Variants in DYRK1A observed in about 807,000 individuals in gnomAD.
DYRK1A encodes the protein dual specificity tyrosine phosphorylation regulated kinase 1A.
DYRK1A carries 9 observed loss-of-function variants against 79.7 expected under a neutral mutation model. The observed-to-expected ratio is 0.11, with a 90% confidence interval of 0.07 to 0.20. The LOEUF (loss-of-function observed/expected upper bound fraction) is 0.20. DYRK1A is among the 10% of genes least tolerant of loss of function. The pLI, the probability that DYRK1A is intolerant of heterozygous loss-of-function variation, is 1.00. For synonymous variants in DYRK1A, 349 were observed against 329.7 expected (o/e 1.06, Z -0.63); for missense variants, 622 against 956.0 (o/e 0.65, Z 4.61).
chr21:37,412,861 C>T (rs1041942038), intron 1 of DYRK1A, among the ~76,000 whole-genome samples: 1 of 152,124 alleles, frequency 6.6e-6, no homozygotes, highest in Admixed American at 6.5e-5. Flanking sequence ...AGCCACCCAA[C>T]AGCTTGTTAG....
rs1034609786 is a variant in DYRK1A at position 37,517,080 on chromosome 21, T to C, written c.*4549T>C. The stretch of plus-strand genomic sequence containing the variant: ...AACCTGTGAATCCTTCTTCAAAGCA[T>C]AGAGGAGGCAGAGACAAGTCTTAAA... On this transcript the variant is annotated 3_prime_UTR_variant, in exon 12 of 12. Coordinates refer to ENST00000647188, the MANE Select transcript of DYRK1A (RefSeq NM_001347721.2). The C allele has an allele frequency of 2.6e-5, 4 of 152,222 alleles. No individual in the cohort carries two copies. The highest frequency in any genetic ancestry group is 5.9e-5 in the Non-Finnish European group (4 of 68,040). 9.4% of individuals were successfully genotyped at this position (152,222 alleles called of 1,614,324 possible).
chr21:37,421,260 T>C (rs117653185), intron 2 of DYRK1A, among the ~76,000 whole-genome samples: 1,598 of 152,236 alleles, frequency 0.01, 13 homozygotes, highest in Middle Eastern at 0.044. Context: ...TTTGAATTGA[T>C]ACCTAACAGA....
chr21:37,371,695 TAGTG>T lies in DYRK1A; in HGVS notation c.-77+4071_-77+4074del, dbSNP rs1441051339. Among the ~76,000 whole-genome samples the T allele has an allele frequency of 3.3e-5, 5 of 152,328 alleles. No individual in the cohort carries two copies. The South Asian group carries it at 6.2e-4, about 19-fold the overall frequency. On this transcript the variant is annotated intron_variant, in intron 1 of 11. Coordinates refer to ENST00000647188, the MANE Select transcript of DYRK1A (RefSeq NM_001347721.2). ...GGGGCAGATGCTCATATCTGATACA[TAGTG>T]AGTAATAGCTTAAAATGTGTCTTTG...
intron 2 of DYRK1A, among the ~76,000 whole-genome samples, chr21:37,425,413 A>G (rs1279950691): frequency 2.6e-5 from 4 of 152,092 alleles, no homozygotes; most frequent in Non-Finnish European, 5.9e-5. Flanking sequence ...TTATGTTTCT[A>G]AGTGGAAGCA....
chr21:37,377,493 CAG>C (rs1325033280), intron 1 of DYRK1A, among the ~76,000 whole-genome samples: 3 of 151,968 alleles, frequency 2.0e-5, no homozygotes, highest in African/African-American at 7.3e-5. Flanking sequence ...AAATTTGGGA[CAG>C]AGTCTCGCTG....
chr21:37,496,147 T>C lies in DYRK1A; in HGVS notation c.1101T>C (p.Val367=). 6.2e-7 allele frequency: 1 copy of C among 1,613,200 alleles called. No homozygotes were observed. Among genetic ancestry groups the C allele is most frequent in the East Asian group, 2.2e-5 (1 of 44,848 alleles). The part of the protein sequence containing the change: ...EVDQMNKIVE[V]LGIPPAHILD... ...ATCAGATGAATAAAATAGTGGAAGT[T>C]CTGGGTATTCCACCTGCTCATATTC... Residue 367 remains valine, a synonymous_variant, in exon 9 of 12, where the codon GTT becomes GTC. Coordinates refer to ENST00000647188, the MANE Select transcript of DYRK1A (RefSeq NM_001347721.2).
At chr21:37,510,585 C>G (rs1601330843) in intron 11 of DYRK1A, among the ~76,000 whole-genome samples, 2 of 152,296 alleles carry the variant, frequency 1.3e-5, no homozygotes, top group South Asian at 4.2e-4. Context: ...AGGCCAAACT[C>G]TGATATAACA....
chr21:37,445,589 T>C (rs903754843), intron 2 of DYRK1A, among the ~76,000 whole-genome samples: 4 of 152,162 alleles, frequency 2.6e-5, no homozygotes, highest in African/African-American at 9.7e-5. Flanking sequence ...ATGGGAGTGC[T>C]TTTTTTCTAT....
chr21:37,488,582 C>T (rs1319140265), intron 6 of DYRK1A: 3 of 985,288 alleles, frequency 3.0e-6, no homozygotes, highest in Non-Finnish European at 3.6e-6. Context: ...CCATTCTCCC[C>T]AAAATTTGGT....
intron 1 of DYRK1A, among the ~76,000 whole-genome samples, chr21:37,394,226 C>CTT (rs10593016): frequency 0.041 from 5,932 of 143,944 alleles, 167 homozygotes; most frequent in Middle Eastern, 0.088. Context: ...TTTTTAAACC[C>CTT]TTTTTTTTTT....
chr21:37,376,338 A>T (rs528488220), intron 1 of DYRK1A, among the ~76,000 whole-genome samples: 1 of 152,260 alleles, frequency 6.6e-6, no homozygotes, highest in African/African-American at 2.4e-5. Flanking sequence ...TGAAACCCCC[A>T]TCTCTACTAC....
At chr21:37,443,109 C>T (rs527684009) in intron 2 of DYRK1A, among the ~76,000 whole-genome samples, 1 of 152,130 alleles carries the variant, frequency 6.6e-6, no homozygotes, top group Non-Finnish European at 1.5e-5. Flanking sequence ...CAGGTGTGAG[C>T]CACTGTCCGC....
In DYRK1A at chr21:37,459,465, G is replaced by A. The variant is rs140969867; in HGVS notation, c.11-13219G>A. ...TTTAGGGCTACTAACCTGGATGCCC[G>A]ATGGAGTAATCATCACTGTCCTGTG... On this transcript the variant is annotated intron_variant, in intron 2 of 11. Coordinates refer to ENST00000647188, the MANE Select transcript of DYRK1A (RefSeq NM_001347721.2). Among the ~76,000 whole-genome samples, 141 of 152,214 alleles carry A rather than the reference G, an allele frequency of 9.3e-4. 1 individual carries two copies. Among genetic ancestry groups the A allele is most frequent in the African/African-American group, 3.2e-3 (134 of 41,540 alleles).
intron 2 of DYRK1A, among the ~76,000 whole-genome samples, chr21:37,468,640 T>G (rs926511528): frequency 6.6e-6 from 1 of 152,192 alleles, no homozygotes; most frequent in Non-Finnish European, 1.5e-5. Flanking sequence ...AATAATTGGT[T>G]AAGGATCAAT....
chr21:37,508,979 A>G (rs1048330930), intron 11 of DYRK1A, among the ~76,000 whole-genome samples: 1 of 152,162 alleles, frequency 6.6e-6, no homozygotes, highest in Non-Finnish European at 1.5e-5. Flanking sequence ...GTAGCATAAG[A>G]CACCGCGTTC....
At chr21:37,453,651 C>T (rs2051534183) in intron 2 of DYRK1A, among the ~76,000 whole-genome samples, 1 of 151,954 alleles carries the variant, frequency 6.6e-6, no homozygotes, top group South Asian at 2.1e-4. Flanking sequence ...TCTTCAGTTA[C>T]ATTTTAAGAG....
chr21:37,411,075 A>AAAAAT (rs397867664), intron 1 of DYRK1A, among the ~76,000 whole-genome samples: 2 of 123,730 alleles, frequency 1.6e-5, no homozygotes, highest in Non-Finnish European at 3.4e-5. Flanking sequence ...AAAAAAAAAA[A>AAAAAT]GCCCAGGCGT....
chr21:37,414,969 A>G (rs1240861020), intron 1 of DYRK1A, among the ~76,000 whole-genome samples: 1 of 152,202 alleles, frequency 6.6e-6, no homozygotes, highest in Non-Finnish European at 1.5e-5. Context: ...CTACTTTACA[A>G]TTACTGATGA....
At chr21:37,467,045 A>C (rs1258783135) in intron 2 of DYRK1A, among the ~76,000 whole-genome samples, 2 of 151,758 alleles carry the variant, frequency 1.3e-5, no homozygotes, top group East Asian at 3.9e-4. Flanking sequence ...TAGTCCTATT[A>C]AACATGATCC....
Sources: gnomAD v4.1 joint callset for allele counts (sites outside exome capture counted in the v4.1 genomes callset) on GRCh38, gnomAD v4.1.1 for gene constraint, MANE v1.5 for transcripts, NCBI Gene and HGNC (gene_info 2026-07-23, HGNC 2026-07-21) for gene names.